Variants in ANKAR observed in about 807,000 individuals in gnomAD.
The protein encoded by ANKAR is ankyrin and armadillo repeat containing, also known as ankyrin and armadillo repeat-containing protein.
ANKAR carries 136 observed loss-of-function variants against 146.2 expected under a neutral mutation model. The ratio of observed to expected loss-of-function variants is 0.93; its 90% CI spans 0.81 to 1.07. The LOEUF is 1.07. Ranked by LOEUF, ANKAR falls within the 50% of genes least tolerant of loss-of-function variation. ANKAR has a pLI of 0.00. For missense variants in ANKAR, 1,567 were observed against 1,679.9 expected (o/e 0.93, Z 1.18); for synonymous variants, 500 against 575.8 (o/e 0.87, Z 1.88).
At chr2:189,752,980 C>G in intron 18 of ANKAR, 1 of 1,604,422 alleles carries the variant, frequency 6.2e-7, no homozygotes, top group East Asian at 2.2e-5. Flanking sequence ...CAGATGCAAC[C>G]TGAAGGAATT....
chr2:189,719,000 C>A (rs2040913566), intron 10 of ANKAR, among the ~76,000 whole-genome samples: 1 of 151,982 alleles, frequency 6.6e-6, no homozygotes, highest in African/African-American at 2.4e-5. Context: ...CCACCCGCCT[C>A]GGCCTCCCAA....
At chr2:189,745,440 C>G (rs1336055839) in intron 22 of ANKAR, among the ~76,000 whole-genome samples, 1 of 152,060 alleles carries the variant, frequency 6.6e-6, no homozygotes, top group Non-Finnish European at 1.5e-5. Context: ...AACAACTTAC[C>G]TATCTGAATT....
intron 17 of ANKAR, among the ~76,000 whole-genome samples, chr2:189,736,462 A>G (rs1379865628): frequency 1.5e-5 from 2 of 132,840 alleles, no homozygotes; most frequent in Non-Finnish European, 3.2e-5. Context: ...CTTTGACTGT[A>G]CCTAATACCT....
At chr2:189,721,116 T>C (rs2041182987) in intron 12 of ANKAR, among the ~76,000 whole-genome samples, 1 of 151,992 alleles carries the variant, frequency 6.6e-6, no homozygotes, top group Admixed American at 6.6e-5. Context: ...GCCTCCTGAG[T>C]AGCTGGGATT....
chr2:189,689,169 C>A (rs2036046345), intron 2 of ANKAR, among the ~76,000 whole-genome samples: 1 of 152,096 alleles, frequency 6.6e-6, no homozygotes, highest in Admixed American at 6.5e-5. Context: ...ATCTTATTGC[C>A]ACAAAGAGTC....
intron 19 of ANKAR, 49 bp downstream of exon 19, chr2:189,738,731 A>T (rs1215370241): frequency 8.3e-7 from 1 of 1,201,514 alleles, no homozygotes; most frequent in African/African-American, 1.5e-5. Flanking sequence ...CTATTTTCAA[A>T]AACAGTTTAT....
At chr2:189,680,551 C>A (rs1251640982) in intron 2 of ANKAR, among the ~76,000 whole-genome samples, 1 of 151,798 alleles carries the variant, frequency 6.6e-6, no homozygotes, top group East Asian at 1.9e-4. Context: ...TGTGTTCTTT[C>A]AGACTTTTTA....
chr2:189,731,445 C>T (rs1194672360), intron 16 of ANKAR, among the ~76,000 whole-genome samples: 1 of 148,484 alleles, frequency 6.7e-6, no homozygotes, highest in African/African-American at 2.5e-5. Context: ...GCCATCTCAG[C>T]TCACTGCAAC....
chr2:189,718,278 C>T (rs1003820119), intron 10 of ANKAR, among the ~76,000 whole-genome samples: 6 of 152,000 alleles, frequency 3.9e-5, no homozygotes, highest in Non-Finnish European at 8.8e-5. Context: ...CATAGTGAGA[C>T]CCTGTCTTTG....
rs1036742237 is a variant in ANKAR, at chr2:189,746,301, T to C, written c.4058-79T>C. The C allele has an allele frequency of 1.6e-5, 23 of 1,418,234 alleles. No individual in the cohort carries two copies. In the Admixed American group the frequency reaches 1.7e-4, roughly 10 times the overall value. The allele number at this position is 1,418,234 out of a possible 1,614,324, so 87.9% of individuals were successfully genotyped here. A position where few individuals can be genotyped will look rare whatever the true frequency, so the allele number is the denominator to read the frequency against. ...GTATGTTTTAGTTATGTAAAGAAAATAGAACTACATAGAAGTAGAAGTAAT... is the reference window on the plus strand; with the variant it reads ...GTATGTTTTAGTTATGTAAAGAAAACAGAACTACATAGAAGTAGAAGTAAT... On this transcript the variant is annotated intron_variant, in intron 22 of 22. Coordinates refer to ENST00000684021, the MANE Select transcript of ANKAR (RefSeq NM_001378068.1).
chr2:189,736,499 G>GTTTT (rs71938893), intron 17 of ANKAR, among the ~76,000 whole-genome samples: 13,553 of 113,654 alleles, frequency 0.12, 3,172 homozygotes, highest in African/African-American at 0.36. Flanking sequence ...AGGTGACTGG[G>GTTTT]TTTTGTGTGT....
At chr2:189,752,754 T>A in intron 18 of ANKAR, 5 of 1,613,550 alleles carry the variant, frequency 3.1e-6, no homozygotes, top group Non-Finnish European at 4.2e-6. Flanking sequence ...ATAAAATCAA[T>A]AGCTCCAAGA....
chr2:189,697,909 A>AT (rs1229807789), intron 7 of ANKAR, among the ~76,000 whole-genome samples: 42 of 152,048 alleles, frequency 2.8e-4, no homozygotes, highest in African/African-American at 9.4e-4. Flanking sequence ...CAGGTTGCAT[A>AT]TGACATGCCT....
rs1386647771 is a variant in ANKAR at position 189,676,755 on chromosome 2, G to T, written c.265G>T (p.Val89Leu). 2 of 1,614,068 alleles carry T rather than the reference G, an allele frequency of 1.2e-6. No homozygotes were observed. Among genetic ancestry groups the T allele is most frequent in the South Asian group, 1.1e-5 (1 of 91,082 alleles). The change falls in exon 2 of 23, where the codon GTG (valine) becomes TTG (leucine). Residue 89 changes from valine (V) to leucine (L), a missense_variant. Val to Leu is a conservative substitution (Grantham distance 32). Transcript: ENST00000684021. ...CTCCACTGCAATCCTACTGACTCCC[G>T]TGGACCCTACTGCCCTCTTAGACTA... is the stretch of plus-strand genomic sequence containing the variant. ...GFSTAILLTP[V>L]DPTALLDYRE...
chr2:189,738,598 G>T lies in ANKAR; in HGVS notation c.3616G>T (p.Asp1206Tyr), dbSNP rs1161793593. ...VVLAKVIRDM[D>Y]HITLSARGVT... ...ACTGGCTAAAGTCATTAGAGATATG[G>T]ACCATATTACTTTGTCTGCAAGAGG... Residue 1206 changes from aspartate (D) to tyrosine (Y), a missense_variant, in exon 19 of 23, where the codon GAC (aspartate) becomes TAC (tyrosine). Asp to Tyr is a radical substitution (Grantham distance 160). Transcript: ENST00000684021. 6.2e-7 allele frequency: 1 copy of T among 1,611,026 alleles called. No homozygotes were observed. Among genetic ancestry groups the T allele is most frequent in the Non-Finnish European group, 8.5e-7 (1 of 1,178,194 alleles).
chr2:189,720,735 G>T lies in ANKAR; in HGVS notation c.2583G>T (p.Val861=). 1 of 1,521,844 alleles carries T rather than the reference G, an allele frequency of 6.6e-7. No individual in the cohort carries two copies. The highest frequency in any genetic ancestry group is 8.8e-7 in the Non-Finnish European group (1 of 1,139,740). 94.3% of individuals were successfully genotyped at this position (1,521,844 alleles called of 1,614,324 possible). ...CIGNENNQRA[V]REHKGLPYLI... The stretch of plus-strand genomic sequence containing the variant: ...GAAATGAAAACAATCAAAGAGCTGT[G>T]AGAGAACATAAAGGCCTCCCATATC... Residue 861 remains valine, a synonymous_variant, in exon 12 of 23, where the codon GTG becomes GTT. Coordinates refer to ENST00000684021, the MANE Select transcript of ANKAR (RefSeq NM_001378068.1).
At chr2:189,755,904 C>A (rs187290885) in intron 18 of ANKAR, among the ~76,000 whole-genome samples, 4 of 152,220 alleles carry the variant, frequency 2.6e-5, no homozygotes, top group Non-Finnish European at 4.4e-5. Flanking sequence ...AATTTCCTTG[C>A]TGACAGAAGA....
In ANKAR at chr2:189,692,424, A is replaced by C. The variant is rs778446540; in HGVS notation, c.1203+6A>C. The C allele has an allele frequency of 4.4e-6, 7 of 1,603,022 alleles. No homozygotes were observed. The highest frequency in any genetic ancestry group is 5.1e-6 in the Non-Finnish European group (6 of 1,176,438). On this transcript the variant is annotated splice_donor_region_variant and intron_variant, in intron 4 of 22. Transcript: ENST00000684021. ...ATGCCTTGGAAGATTTTCAGGTTTAAATGATCATTCCTTAGACAATTTATC... is the reference window on the plus strand; with the variant it reads ...ATGCCTTGGAAGATTTTCAGGTTTACATGATCATTCCTTAGACAATTTATC...
At chr2:189,707,452 C>CAAAAAAAA (rs67227035) in intron 9 of ANKAR, among the ~76,000 whole-genome samples, 62 of 72,728 alleles carry the variant, frequency 8.5e-4, no homozygotes, top group Non-Finnish European at 1.1e-3. Flanking sequence ...TCTCCTTCAT[C>CAAAAAAAA]AAAAAAAAAA....
Sources: gnomAD v4.1 joint callset for allele counts (sites outside exome capture counted in the v4.1 genomes callset) on GRCh38, gnomAD v4.1.1 for gene constraint, MANE v1.5 for transcripts, NCBI Gene and HGNC (gene_info 2026-07-23, HGNC 2026-07-21) for gene names.